RANBP2: variants seen among roughly 807,000 people sequenced by gnomAD.
RANBP2 encodes RAN binding protein 2.
A neutral mutation model predicts 303.6 loss-of-function variants in RANBP2; 57 were observed. That is an observed-to-expected ratio of 0.19 (90% CI 0.15 to 0.23). The LOEUF (loss-of-function observed/expected upper bound fraction) is 0.23, where lower values mean the gene tolerates loss of function less well. RANBP2 is among the 10% of genes least tolerant of loss of function. The probability of loss-of-function intolerance (pLI) is 1.00; values close to 1 mark genes in which losing one functional copy is unlikely to be tolerated. For synonymous variants in RANBP2, 1,167 were observed against 1,301.5 expected, an observed-to-expected ratio of 0.90 and a Z score of 2.23; for missense variants, 3,138 against 3,780.8, an observed-to-expected ratio of 0.83 and a Z score of 4.46.
rs150750548 is a variant in RANBP2, at chr2:108,767,202, A to G, written c.6663A>G (p.Thr2221=). The change falls in exon 20 of 29, where the codon ACA becomes ACG. Residue 2221 remains threonine, a synonymous_variant. Transcript: ENST00000283195. The part of the protein sequence containing the change: ...IKPNPENTGP[T]LEWDNYDLRE... ...CCAATCCTGAAAACACTGGGCCCAC[A>G]TTAGAATGGGATAACTATGATTTAA... is the stretch of plus-strand genomic sequence containing the variant. 309 of 1,612,062 alleles carry G rather than the reference A, an allele frequency of 1.9e-4. 1 individual carries two copies. The African/African-American group carries it at 3.3e-3, about 17-fold the overall frequency.
At position 108,765,174 on chromosome 2, in the gene RANBP2, A is replaced by G; in HGVS notation, c.4635A>G (p.Gly1545=). The G allele has an allele frequency of 1.2e-6, 2 of 1,614,178 alleles. No homozygotes were observed. Among genetic ancestry groups the G allele is most frequent in the Non-Finnish European group, 1.7e-6 (2 of 1,180,002 alleles). The change falls in exon 20 of 29, where the codon GGA becomes GGG. Residue 1545 remains glycine, a synonymous_variant. Coordinates refer to ENST00000283195, the MANE Select transcript of RANBP2 (RefSeq NM_006267.5). ...AAGACATGTTTGCTAAGAAGGAAGG[A>G]CAGTGGGATTGCAGTTCATGCTTAG... The part of the protein sequence containing the change: ...GFEDMFAKKE[G]QWDCSSCLVR...
At chr2:109,635,591 A>G in the RANBP2 span, among the ~76,000 whole-genome samples, 1 of 152,182 alleles carries the variant, frequency 6.6e-6, no homozygotes, top group Admixed American at 6.5e-5. Flanking sequence ...TCATGAGGAG[A>G]GCCAGATGCT....
the RANBP2 span, among the ~76,000 whole-genome samples, chr2:109,011,578 A>G: frequency 6.6e-6 from 1 of 152,134 alleles, no homozygotes; most frequent in Admixed American, 6.5e-5. Context: ...CCCAAATTTT[A>G]TTGACGAGAT....
At chr2:108,846,590 T>C in the RANBP2 span, 1 of 607,230 alleles carries the variant, frequency 1.6e-6, no homozygotes. Flanking sequence ...GGTAGGAGGA[T>C]TGCTTGAGCC....
the RANBP2 span, among the ~76,000 whole-genome samples, chr2:109,522,313 C>T: frequency 3.5e-3 from 520 of 146,812 alleles, 5 homozygotes; most frequent in African/African-American, 0.013. Context: ...TTTTTTGAGA[C>T]GAAGTCTCGC....
the RANBP2 span, among the ~76,000 whole-genome samples, chr2:108,959,712 G>A: frequency 1.3e-5 from 2 of 152,256 alleles, no homozygotes; most frequent in East Asian, 3.9e-4. Flanking sequence ...TGGAGATTTC[G>A]CCTTTCCCCA....
At chr2:109,555,524 A>T in the RANBP2 span, among the ~76,000 whole-genome samples, 1 of 152,194 alleles carries the variant, frequency 6.6e-6, no homozygotes, top group Admixed American at 6.5e-5. Context: ...ATACCACTGG[A>T]GGCTATATTA....
intron 4 of RANBP2, among the ~76,000 whole-genome samples, chr2:108,732,721 A>G (rs1302647238): frequency 6.6e-6 from 1 of 152,136 alleles, no homozygotes; most frequent in East Asian, 1.9e-4. Context: ...ACTTCTCTTC[A>G]CTATGCCTGA....
the RANBP2 span, among the ~76,000 whole-genome samples, chr2:108,820,505 G>GA: frequency 6.6e-6 from 1 of 152,024 alleles, no homozygotes; most frequent in African/African-American, 2.4e-5. Flanking sequence ...GAACTCCAGA[G>GA]AGGACAATTC....
chr2:109,529,663 G>A, the RANBP2 span, among the ~76,000 whole-genome samples: 2 of 152,224 alleles, frequency 1.3e-5, no homozygotes, highest in African/African-American at 4.8e-5. Context: ...CCAGGAAGGG[G>A]GAACTGTGGA....
chr2:109,092,488 C>T, the RANBP2 span, among the ~76,000 whole-genome samples: 3 of 152,216 alleles, frequency 2.0e-5, no homozygotes, highest in Non-Finnish European at 2.9e-5. Flanking sequence ...GTTTCCCATG[C>T]AGCCCATTGG....
the RANBP2 span, among the ~76,000 whole-genome samples, chr2:109,690,708 C>T: frequency 6.6e-6 from 1 of 151,806 alleles, no homozygotes. Flanking sequence ...TCCAGACGTT[C>T]ACCATCAGTA....
the RANBP2 span, among the ~76,000 whole-genome samples, chr2:109,262,827 TTC>T: frequency 1.3e-5 from 2 of 152,096 alleles, no homozygotes; most frequent in Non-Finnish European, 2.9e-5. Flanking sequence ...ATACAAGACT[TTC>T]TTTTTTCTTT....
chr2:109,506,784 A>T, the RANBP2 span, among the ~76,000 whole-genome samples: 1 of 152,206 alleles, frequency 6.6e-6, no homozygotes, highest in Non-Finnish European at 1.5e-5. Flanking sequence ...TACTAAAATG[A>T]TGGTTCTGAC....
At chr2:108,964,402 C>T in the RANBP2 span, among the ~76,000 whole-genome samples, 3 of 151,954 alleles carry the variant, frequency 2.0e-5, no homozygotes, top group Non-Finnish European at 4.4e-5. Flanking sequence ...GGAACTGTGA[C>T]GAAAAGGGAT....
the RANBP2 span, among the ~76,000 whole-genome samples, chr2:109,019,683 T>A: frequency 6.6e-6 from 1 of 152,218 alleles, no homozygotes; most frequent in African/African-American, 2.4e-5. Context: ...TTTGCCAATA[T>A]GTAATTCCTA....
chr2:109,040,038 A>C, the RANBP2 span, among the ~76,000 whole-genome samples: 1 of 152,098 alleles, frequency 6.6e-6, no homozygotes, highest in Non-Finnish European at 1.5e-5. Flanking sequence ...CAGAAACATA[A>C]AGTTATTTTT....
the RANBP2 span, among the ~76,000 whole-genome samples, chr2:109,392,664 G>A: frequency 5.9e-5 from 9 of 152,058 alleles, no homozygotes; most frequent in Non-Finnish European, 1.0e-4. Flanking sequence ...GACTACAGGC[G>A]CCTGCCACCA....
chr2:108,816,421 A>C, the RANBP2 span, among the ~76,000 whole-genome samples: 2 of 152,200 alleles, frequency 1.3e-5, no homozygotes, highest in African/African-American at 4.8e-5. Flanking sequence ...ACTGCACTCC[A>C]GCCTGGGCAA....
Sources: allele counts gnomAD v4.1 joint callset (sites outside exome capture counted in the v4.1 genomes callset), GRCh38; gene constraint gnomAD v4.1.1; transcripts MANE v1.5; gene names NCBI Gene and HGNC (gene_info 2026-07-23, HGNC 2026-07-21).